Variants in MTSS1 observed in about 807,000 individuals in gnomAD.
The protein encoded by MTSS1 is protein MTSS 1.
Under a neutral mutation model 79.0 loss-of-function variants are expected in MTSS1, and 18 were observed. The ratio of observed to expected loss-of-function variants is 0.23; its 90% CI spans 0.16 to 0.34. MTSS1 has a LOEUF of 0.34. Ranked by LOEUF, MTSS1 falls within the 10% of genes least tolerant of loss-of-function variation. The pLI, the probability that MTSS1 is intolerant of heterozygous loss-of-function variation, is 1.00. For synonymous variants in MTSS1, 341 were observed against 368.6 expected, an observed-to-expected ratio of 0.93 and a Z score of 0.86; for missense variants, 815 against 986.2, an observed-to-expected ratio of 0.83 and a Z score of 2.33.
chr8:124,604,835 G>C (rs1186769674), intron 3 of MTSS1, among the ~76,000 whole-genome samples: 4 of 110,740 alleles, frequency 3.6e-5, no homozygotes, highest in Non-Finnish European at 7.3e-5. Flanking sequence ...CCCACTTCAC[G>C]ACTTTTCAAA....
chr8:124,613,598 C>T (rs1836281259), intron 3 of MTSS1, among the ~76,000 whole-genome samples: 1 of 152,182 alleles, frequency 6.6e-6, no homozygotes, highest in South Asian at 2.1e-4. Context: ...CCTCCAAAGA[C>T]AGCTACAGAA....
chr8:124,637,626 G>T (rs535348906), intron 3 of MTSS1, among the ~76,000 whole-genome samples: 50 of 148,974 alleles, frequency 3.4e-4, no homozygotes, highest in Admixed American at 3.1e-3. Context: ...TCATGCTGGG[G>T]CCTACAGGAA....
intron 3 of MTSS1, among the ~76,000 whole-genome samples, chr8:124,693,076 T>C (rs41420649): frequency 0.36 from 54,328 of 151,548 alleles, 10,514 homozygotes; most frequent in Non-Finnish European, 0.41. Flanking sequence ...GCTCTTAAAC[T>C]CCTGGGAGAC....
intron 3 of MTSS1, among the ~76,000 whole-genome samples, chr8:124,642,554 T>C (rs1348594192): frequency 2.0e-5 from 3 of 152,208 alleles, no homozygotes; most frequent in Non-Finnish European, 2.9e-5. Flanking sequence ...ATATGAGTTG[T>C]TAAGACAGCC....
At chr8:124,638,258 A>G (rs1305773162) in intron 3 of MTSS1, among the ~76,000 whole-genome samples, 4 of 152,258 alleles carry the variant, frequency 2.6e-5, no homozygotes, top group Admixed American at 1.3e-4. Flanking sequence ...AAATTTCACA[A>G]CTACAAAAGG....
At chr8:124,577,566 C>T (rs1262524216) in intron 6 of MTSS1, 1 of 518,932 alleles carries the variant, frequency 1.9e-6, no homozygotes, top group Admixed American at 1.9e-5. Flanking sequence ...TAAATTCAGA[C>T]ATCTATGGAT....
Position 124,571,919 on chromosome 8 carries a change from A to G in MTSS1, c.461-3383T>C, listed in dbSNP as rs1388303676. Among the ~76,000 whole-genome samples the G allele has an allele frequency of 2.0e-5, 3 of 152,200 alleles. No individual in the cohort carries two copies. In the East Asian group the frequency reaches 5.8e-4, roughly 29 times the overall value. Reference sequence around the variant, plus strand: ...GGGGAGGTTGCAGTGAGCTGAGATCATGCCACTGCACTCCAGCCTGGGCGA... The same window carrying G: ...GGGGAGGTTGCAGTGAGCTGAGATCGTGCCACTGCACTCCAGCCTGGGCGA... On this transcript the variant is annotated intron_variant, in intron 6 of 13. Transcript: ENST00000518547.
At chr8:124,591,079 C>A in intron 4 of MTSS1, 72 bp downstream of exon 4, 1 of 1,239,696 alleles carries the variant, frequency 8.1e-7, no homozygotes, top group Non-Finnish European at 1.2e-6. Context: ...ATGCTGTGTG[C>A]CACACATGAC....
At chr8:124,621,785 G>C (rs1813564948) in intron 3 of MTSS1, among the ~76,000 whole-genome samples, 1 of 152,158 alleles carries the variant, frequency 6.6e-6, no homozygotes, top group African/African-American at 2.4e-5. Flanking sequence ...CTGACCTCAA[G>C]TGATCTGCCC....
At chr8:124,699,259 A>C (rs1439324139) in intron 3 of MTSS1, 1 of 454,654 alleles carries the variant, frequency 2.2e-6, no homozygotes, top group African/African-American at 2.0e-5. Context: ...CACGTCATTA[A>C]AGTGATCAAA....
intron 9 of MTSS1, 96 bp downstream of exon 9, chr8:124,565,566 G>T: frequency 1.0e-6 from 1 of 998,752 alleles, no homozygotes; most frequent in Non-Finnish European, 1.5e-6. Context: ...TTGAGAATGA[G>T]CCATTCTAAG....
At chr8:124,698,044 T>C (rs1308213601) in intron 3 of MTSS1, 1 of 152,228 alleles carries the variant, frequency 6.6e-6, no homozygotes, top group Non-Finnish European at 1.5e-5. Flanking sequence ...AGTTTCTATG[T>C]TGAAATTCTT....
At chr8:124,639,061 A>G (rs1174175789) in intron 3 of MTSS1, among the ~76,000 whole-genome samples, 1 of 152,198 alleles carries the variant, frequency 6.6e-6, no homozygotes, top group Non-Finnish European at 1.5e-5. Flanking sequence ...GGCCTGGCCC[A>G]GGTGGTGGCT....
intron 1 of MTSS1, among the ~76,000 whole-genome samples, chr8:124,712,975 T>C (rs1831386781): frequency 6.6e-6 from 1 of 152,204 alleles, no homozygotes; most frequent in South Asian, 2.1e-4. Context: ...CCACTTAAAA[T>C]AAAAATAACC....
intron 3 of MTSS1, among the ~76,000 whole-genome samples, chr8:124,604,942 C>T (rs773305821): frequency 6.6e-6 from 1 of 152,228 alleles, no homozygotes; most frequent in Non-Finnish European, 1.5e-5. Context: ...CTGGCAGCCA[C>T]AAAGACCAAT....
At chr8:124,691,652 A>C (rs187194108) in intron 3 of MTSS1, among the ~76,000 whole-genome samples, 39 of 152,100 alleles carry the variant, frequency 2.6e-4, no homozygotes, top group African/African-American at 9.4e-4. Context: ...AGTAGCTGGG[A>C]CTACAGATGC....
intron 3 of MTSS1, among the ~76,000 whole-genome samples, chr8:124,649,022 T>A (rs1193490129): frequency 1.3e-5 from 2 of 152,262 alleles, no homozygotes; most frequent in African/African-American, 2.4e-5. Context: ...GTGGGCAACC[T>A]GCCATCCTTC....
chr8:124,712,326 C>T (rs559514557), intron 1 of MTSS1, among the ~76,000 whole-genome samples: 7 of 152,274 alleles, frequency 4.6e-5, no homozygotes, highest in South Asian at 2.1e-4. Context: ...CCTCTTCTTC[C>T]GCTGGGTATA....
In MTSS1 at chr8:124,560,092, C is replaced by G. The variant is rs150460406; in HGVS notation, c.1036-2217G>C. On this transcript the variant is annotated intron_variant, in intron 10 of 13. Coordinates refer to ENST00000518547, the MANE Select transcript of MTSS1 (RefSeq NM_014751.6). ...GAGAGACTCCACGGTGGACGGACAT[C>G]CCAGCTGCACTCTGAGCTCAGTGTC... Among the ~76,000 whole-genome samples the G allele has an allele frequency of 3.3e-3, 505 of 152,290 alleles. 1 individual carries two copies. Among genetic ancestry groups the G allele is most frequent in the Middle Eastern group, 0.017 (5 of 294 alleles).
Sources: allele counts gnomAD v4.1 joint callset (sites outside exome capture counted in the v4.1 genomes callset), GRCh38; gene constraint gnomAD v4.1.1; transcripts MANE v1.5; gene names NCBI Gene and HGNC (gene_info 2026-07-23, HGNC 2026-07-21).